The following PPFIBP1 variants were observed in gnomAD, a reference collection of about 807,000 sequenced individuals.
The protein encoded by PPFIBP1 is liprin-beta-1.
PPFIBP1 carries 112 observed loss-of-function variants against 137.8 expected under a neutral mutation model. The observed-to-expected ratio is 0.81, with a 90% CI of 0.70 to 0.95. The LOEUF is 0.95. Ranked by LOEUF, PPFIBP1 falls within the 40% of genes least tolerant of loss-of-function variation. The probability of loss-of-function intolerance (pLI) is 0.00; values close to 1 mark genes in which losing one functional copy is unlikely to be tolerated. For synonymous variants in PPFIBP1, 378 were observed against 417.3 expected, an observed-to-expected ratio of 0.91 and a Z score of 1.15; for missense variants, 1,083 against 1,196.6, an observed-to-expected ratio of 0.91 and a Z score of 1.40.
At chr12:27,687,845 G>A (rs569668030) in intron 25 of PPFIBP1, among the ~76,000 whole-genome samples, 1 of 152,238 alleles carries the variant, frequency 6.6e-6, no homozygotes, top group South Asian at 2.1e-4. Context: ...CACTTTGGGA[G>A]GCCAAGGCAG....
At chr12:27,548,116 G>A (rs1273187311) in intron 1 of PPFIBP1, 1 of 152,172 alleles carries the variant, frequency 6.6e-6, no homozygotes, top group Non-Finnish European at 1.5e-5. Flanking sequence ...GAGATCCTTG[G>A]ATAATATGTA....
At chr12:27,528,041 C>G (rs998865938) in intron 1 of PPFIBP1, among the ~76,000 whole-genome samples, 1 of 152,114 alleles carries the variant, frequency 6.6e-6, no homozygotes, top group Non-Finnish European at 1.5e-5. Flanking sequence ...CTCCACTTCC[C>G]GGGTTCAAAT....
At chr12:27,567,157 C>G (rs938558965) in intron 1 of PPFIBP1, among the ~76,000 whole-genome samples, 5 of 152,100 alleles carry the variant, frequency 3.3e-5, no homozygotes, top group African/African-American at 1.2e-4. Context: ...TAAATTGTAC[C>G]TGCAAATACA....
chr12:27,602,141 G>A (rs1310768167), intron 2 of PPFIBP1, among the ~76,000 whole-genome samples: 2 of 152,208 alleles, frequency 1.3e-5, no homozygotes, highest in Admixed American at 1.3e-4. Context: ...ATTAGAAGCA[G>A]ATGGGACAAT....
intron 28 of PPFIBP1, among the ~76,000 whole-genome samples, 179 bp downstream of exon 28, chr12:27,692,107 C>T (rs1311238884): frequency 6.6e-6 from 1 of 152,162 alleles, no homozygotes; most frequent in Non-Finnish European, 1.5e-5. Flanking sequence ...GCACTTAATG[C>T]ATACTATGTT....
At chr12:27,672,397 A>T (rs2060255726) in intron 14 of PPFIBP1, 30 bp from the exon 15 acceptor site, 1 of 1,565,028 alleles carries the variant, frequency 6.4e-7, no homozygotes. Flanking sequence ...TCGTGAAGTT[A>T]ATAAATACCT....
At chr12:27,542,448 A>G (rs1446385219) in intron 1 of PPFIBP1, among the ~76,000 whole-genome samples, 1 of 152,196 alleles carries the variant, frequency 6.6e-6, no homozygotes, top group East Asian at 1.9e-4. Context: ...GGTTTTTGCC[A>G]TTACTTGCAA....
At chr12:27,690,837 A>G (rs2061490999) in intron 27 of PPFIBP1, among the ~76,000 whole-genome samples, 2 of 152,146 alleles carry the variant, frequency 1.3e-5, no homozygotes, top group African/African-American at 4.8e-5. Flanking sequence ...GGTGGGCCAG[A>G]AGAGAATGGG....
intron 10 of PPFIBP1, among the ~76,000 whole-genome samples, chr12:27,660,520 G>A (rs910312100): frequency 1.6e-4 from 24 of 152,082 alleles, no homozygotes; most frequent in Non-Finnish European, 3.1e-4. Context: ...ACCATTCATG[G>A]CTTTCACGCA....
At position 27,550,993 on chromosome 12, in the gene PPFIBP1, T is replaced by TATA. The variant is rs1565751277; in HGVS notation, c.-124+26628_-124+26629insATA. 3.6e-3 allele frequency among the ~76,000 whole-genome samples: 341 copies of TATA among 93,978 alleles called. 1 individual carries two copies. Among genetic ancestry groups the TATA allele is most frequent in the African/African-American group, 0.012 (269 of 21,668 alleles). 61.7% of individuals were successfully genotyped at this position (93,978 alleles called of 152,430 possible). On this transcript the variant is annotated intron_variant, in intron 1 of 29. Coordinates refer to ENST00000228425, the MANE Select transcript of PPFIBP1 (RefSeq NM_003622.4). The stretch of plus-strand genomic sequence containing the variant: ...GCACTAATTTTATATATATATATAT[T>TATA]TTTTTTTTTTTAACAAACGTGAAAA...
chr12:27,677,106 C>G lies in PPFIBP1; in HGVS notation c.1615+10C>G. 6.2e-7 allele frequency: 1 copy of G among 1,613,834 alleles called. No homozygotes were observed. Among genetic ancestry groups the G allele is most frequent in the Non-Finnish European group, 8.5e-7 (1 of 1,179,970 alleles). On this transcript the variant is annotated intron_variant, in intron 19 of 29. Transcript: ENST00000228425. Reference sequence around the variant, plus strand: ...AGTGCACCCACCCTAGGTATTGTACCCCTGCATGCCAGCCTTCACCAGCAC... The same window carrying G: ...AGTGCACCCACCCTAGGTATTGTACGCCTGCATGCCAGCCTTCACCAGCAC...
rs151288073 is a variant in PPFIBP1 at position 27,647,806 on chromosome 12, A to G, written c.435A>G (p.Arg145=). The G allele has an allele frequency of 3.7e-6, 6 of 1,612,166 alleles. No homozygotes were observed. In the African/African-American group the frequency reaches 8.0e-5, roughly 22 times the overall value. The change falls in exon 6 of 30, where the codon AGA becomes AGG. Residue 145 remains arginine, a synonymous_variant. Coordinates refer to ENST00000228425, the MANE Select transcript of PPFIBP1 (RefSeq NM_003622.4). ...TGGAGTTTTGTCTTGAAGAGCACAG[A>G]GAGAAGGTGAATGCCACAGAAGAAA... ...RDLEFCLEEH[R]EKVNATEEML... is the part of the protein sequence containing the mutation.
chr12:27,668,843 A>G (rs112700709), intron 13 of PPFIBP1, among the ~76,000 whole-genome samples: 1,801 of 151,536 alleles, frequency 0.012, 35 homozygotes, highest in African/African-American at 0.039. Context: ...TTTTTTTTCT[A>G]TTTTTATTTG....
At chr12:27,603,246 A>AT (rs1308767171) in intron 2 of PPFIBP1, among the ~76,000 whole-genome samples, 1 of 152,192 alleles carries the variant, frequency 6.6e-6, no homozygotes, top group Non-Finnish European at 1.5e-5. Context: ...CAGCAGGTTC[A>AT]TTTTTAACCT....
intron 1 of PPFIBP1, chr12:27,552,739 T>C (rs993850288): frequency 3.3e-5 from 5 of 152,242 alleles, no homozygotes; most frequent in South Asian, 2.1e-4. Context: ...AAAGGATCAT[T>C]GCTACAGGGC....
intron 9 of PPFIBP1, among the ~76,000 whole-genome samples, chr12:27,658,531 TGCTTGTA>T (rs2059352777): frequency 6.6e-6 from 1 of 152,158 alleles, no homozygotes; most frequent in Non-Finnish European, 1.5e-5. Flanking sequence ...GTATAAGAAG[TGCTTGTA>T]GTCCATAAAC....
At chr12:27,607,779 A>G (rs1324644335) in intron 2 of PPFIBP1, among the ~76,000 whole-genome samples, 2 of 152,054 alleles carry the variant, frequency 1.3e-5, no homozygotes, top group African/African-American at 4.8e-5. Context: ...TTGAACTCCC[A>G]CTCATAGGCT....
chr12:27,676,391 C>T (rs748629739), intron 17 of PPFIBP1, 37 bp from the exon 18 acceptor site: 3 of 1,429,590 alleles, frequency 2.1e-6, no homozygotes, highest in Non-Finnish European at 2.8e-6. Flanking sequence ...GGATGCTGCA[C>T]CTGAGAGCTG....
chr12:27,638,788 C>T (rs868736131), intron 4 of PPFIBP1, among the ~76,000 whole-genome samples: 31 of 152,136 alleles, frequency 2.0e-4, no homozygotes, highest in Admixed American at 2.6e-4. Flanking sequence ...TGAAGAGAAG[C>T]TTCTGGGATA....
Sources: gnomAD v4.1 joint callset for allele counts (sites outside exome capture counted in the v4.1 genomes callset) on GRCh38, gnomAD v4.1.1 for gene constraint, MANE v1.5 for transcripts, NCBI Gene and HGNC (gene_info 2026-07-23, HGNC 2026-07-21) for gene names.